NR2C2AP: variants seen among roughly 807,000 people sequenced by gnomAD.
NR2C2AP encodes the protein nuclear receptor 2C2-associated protein.
A neutral mutation model predicts 19.1 loss-of-function variants in NR2C2AP; 13 were observed. That is an observed-to-expected ratio of 0.68 (90% CI 0.44 to 1.08). NR2C2AP has a LOEUF of 1.08. Among genes scored for constraint, NR2C2AP ranks in the 50% least tolerant of loss-of-function variants. The pLI is 0.00. For missense variants in NR2C2AP, 181 were observed against 172.7 expected, an observed-to-expected ratio of 1.05 and a Z score of -0.27; for synonymous variants, 81 against 64.4, an observed-to-expected ratio of 1.26 and a Z score of -1.23.
intron 4 of NR2C2AP, 116 bp from the exon 5 acceptor site, chr19:19,202,157 G>A (rs2060730125): frequency 1.6e-6 from 2 of 1,248,828 alleles, no homozygotes; most frequent in Admixed American, 1.7e-5. Context: ...GAAGCTGCAG[G>A]TCCCTCTAAG....
chr19:19,202,224 A>T, intron 4 of NR2C2AP, 107 bp downstream of exon 4: 1 of 1,246,734 alleles, frequency 8.0e-7, no homozygotes, highest in Non-Finnish European at 1.2e-6. Context: ...GTGGAGTCCT[A>T]GAGGTCACGT....
chr19:19,203,344 C>A lies in NR2C2AP; in HGVS notation c.-284G>T. The A allele has an allele frequency of 1.9e-6, 1 of 536,870 alleles. No individual in the cohort carries two copies. The highest frequency in any genetic ancestry group is 3.4e-6 in the Non-Finnish European group (1 of 296,936). The allele number at this position is 536,870 out of a possible 1,614,324, so 33.3% of individuals were successfully genotyped here. A position where few individuals can be genotyped will look rare whatever the true frequency, so the allele number is the denominator to read the frequency against. ...ACAGATTTCCCGCGGGTTTCGGGGG[C>A]GGTGGCTTTTTGTGCGAGGCTGTTT... On this transcript the variant is annotated 5_prime_UTR_variant, in exon 1 of 5. Coordinates refer to ENST00000331552, the MANE Select transcript of NR2C2AP (RefSeq NM_176880.6).
intron 4 of NR2C2AP, 59 bp downstream of exon 4, chr19:19,202,272 G>A: frequency 6.5e-7 from 1 of 1,540,484 alleles, no homozygotes; most frequent in South Asian, 1.1e-5. Flanking sequence ...TTCGGGTTTG[G>A]GTGAGTCCAA....
rs575643409 is a variant in NR2C2AP, at chr19:19,203,003, C to T, written c.38+20G>A. On this transcript the variant is annotated intron_variant, in intron 1 of 4. Coordinates refer to ENST00000331552, the MANE Select transcript of NR2C2AP (RefSeq NM_176880.6). ...CCCAGGCTTAGGGCCTCGCCACTGCCTGTCCCCACAGACTCTTACCTGCTC... is the reference window on the plus strand; with the variant it reads ...CCCAGGCTTAGGGCCTCGCCACTGCTTGTCCCCACAGACTCTTACCTGCTC... The T allele has an allele frequency of 1.9e-6, 3 of 1,614,174 alleles. No individual in the cohort carries two copies. The highest frequency in any genetic ancestry group is 1.7e-6 in the Non-Finnish European group (2 of 1,179,984).
chr19:19,202,852 C>A lies in NR2C2AP; in HGVS notation c.68G>T (p.Arg23Leu). 6.2e-7 allele frequency: 1 copy of A among 1,613,702 alleles called. No individual in the cohort carries two copies. Among genetic ancestry groups the A allele is most frequent in the Non-Finnish European group, 8.5e-7 (1 of 1,180,004 alleles). ...GAAAAGATGTTTTTTTCCAAACTGCCGAGTGTTGCGATTCAGCACTGAACT... is the reference window on the plus strand; with the variant it reads ...GAAAAGATGTTTTTTTCCAAACTGCAGAGTGTTGCGATTCAGCACTGAACT... ...RVSSVLNRNT[R>L]QFGKKHLFDQ... is the part of the protein sequence containing the mutation. Residue 23 changes from arginine to leucine, a missense_variant, in exon 2 of 5, where the codon CGG (arginine) becomes CTG (leucine). By Grantham distance (102) the Arg-to-Leu change is moderately radical. Coordinates refer to ENST00000331552, the MANE Select transcript of NR2C2AP (RefSeq NM_176880.6).
In NR2C2AP at chr19:19,202,521, G is replaced by C; in HGVS notation, c.184C>G (p.Leu62Val). 2 of 1,613,896 alleles carry C rather than the reference G, an allele frequency of 1.2e-6. No individual in the cohort carries two copies. The highest frequency in any genetic ancestry group is 1.7e-6 in the Non-Finnish European group (2 of 1,180,008). Residue 62 changes from leucine (L) to valine (V), a missense_variant, in exon 3 of 5, where the codon CTG becomes GTG. Physicochemically the swap from Leu to Val is conservative, Grantham distance 32. Transcript: ENST00000331552. ...EFPQLIRVSQLQIQFQGGFSS... is the reference protein window; with the variant it reads ...EFPQLIRVSQVQIQFQGGFSS... The stretch of plus-strand genomic sequence containing the variant: ...AAGCCACCCTGAAACTGGATCTGCA[G>C]CTGGGAGACACGGATGAGCTGGGGA...
rs2060743960 is a variant in NR2C2AP at position 19,203,243 on chromosome 19, CA to C, written c.-184del. The C allele has an allele frequency of 3.1e-6, 2 of 646,220 alleles. No homozygotes were observed. The highest frequency in any genetic ancestry group is 4.9e-5 in the Admixed American group (2 of 41,162). The allele number at this position is 646,220 out of a possible 1,614,324, so 40.0% of individuals were successfully genotyped here. A position where few individuals can be genotyped will look rare whatever the true frequency, so the allele number is the denominator to read the frequency against. On this transcript the variant is annotated 5_prime_UTR_variant, in exon 1 of 5. The change creates a new upstream start codon in the 5' untranslated region. Transcript: ENST00000331552. ...CCCCAGTCCTAAATGTCGCCTCGATCAATCCCCTGCCGGAAAATTTGGGAGA... is the reference window on the plus strand; with the variant it reads ...CCCCAGTCCTAAATGTCGCCTCGATCATCCCCTGCCGGAAAATTTGGGAGA...
In NR2C2AP at chr19:19,202,890, A is replaced by G. The variant is rs2060740494; in HGVS notation, c.39-9T>C. 6.2e-7 allele frequency: 1 copy of G among 1,612,736 alleles called. No homozygotes were observed. The highest frequency in any genetic ancestry group is 8.5e-7 in the Non-Finnish European group (1 of 1,178,986). On this transcript the variant is annotated splice_polypyrimidine_tract_variant and intron_variant, in intron 1 of 4. Coordinates refer to ENST00000331552, the MANE Select transcript of NR2C2AP (RefSeq NM_176880.6). The stretch of plus-strand genomic sequence containing the variant: ...TCAGCACTGAACTCACCCTGGAGGC[A>G]CCAGGATCAAGGCGAAGAGAGGGGC...
Position 19,202,516 on chromosome 19 carries a change from C to G in NR2C2AP, c.189G>C (p.Gln63His). Residue 63 changes from glutamine to histidine, a missense_variant, in exon 3 of 5, where the codon CAG (glutamine) becomes CAC (histidine). Coordinates refer to ENST00000331552, the MANE Select transcript of NR2C2AP (RefSeq NM_176880.6). Reference sequence around the variant, plus strand: ...TGGAGAAGCCACCCTGAAACTGGATCTGCAGCTGGGAGACACGGATGAGCT... The same window carrying G: ...TGGAGAAGCCACCCTGAAACTGGATGTGCAGCTGGGAGACACGGATGAGCT... ...FPQLIRVSQL[Q>H]IQFQGGFSSR... is the part of the protein sequence containing the mutation. The G allele has an allele frequency of 6.2e-7, 1 of 1,613,994 alleles. No individual in the cohort carries two copies. Among genetic ancestry groups the G allele is most frequent in the Non-Finnish European group, 8.5e-7 (1 of 1,180,024 alleles).
In NR2C2AP at chr19:19,201,889, C is replaced by T. The variant is rs764009534; in HGVS notation, c.*36G>A. 246 of 1,613,638 alleles carry T rather than the reference C, an allele frequency of 1.5e-4. 2 individuals carry two copies. Among genetic ancestry groups the T allele is most frequent in the South Asian group, 1.2e-3 (108 of 91,004 alleles). On this transcript the variant is annotated 3_prime_UTR_variant, in exon 5 of 5. Coordinates refer to ENST00000331552, the MANE Select transcript of NR2C2AP (RefSeq NM_176880.6). ...GAATGAGGGACTTTGCTGTGCTTCC[C>T]GGAGGGCTTCCTGGAGGAGACAGCC...
rs779898358 is a variant in NR2C2AP at position 19,202,932 on chromosome 19, C to G, written c.39-51G>C. The G allele has an allele frequency of 5.6e-6, 9 of 1,609,424 alleles. No individual in the cohort carries two copies. The East Asian group carries it at 1.8e-4, about 32-fold the overall frequency. On this transcript the variant is annotated intron_variant, in intron 1 of 4. Transcript: ENST00000331552. ...GAGAGGGGCTGAGACCAGCTCTCAG[C>G]TCCGCGGAGGGCCTGACCCCCAGAT...
Position 19,201,684 on chromosome 19 carries a change from T to C in NR2C2AP, c.*241A>G. The C allele has an allele frequency of 6.2e-7, 1 of 1,614,128 alleles. No homozygotes were observed. Among genetic ancestry groups the C allele is most frequent in the Non-Finnish European group, 8.5e-7 (1 of 1,180,012 alleles). On this transcript the variant is annotated 3_prime_UTR_variant, in exon 5 of 5. Coordinates refer to ENST00000331552, the MANE Select transcript of NR2C2AP (RefSeq NM_176880.6). ...GATCGAGAACCACATCCTCAAGCTC[T>C]TCCAGAGCAACCTGGTGCCCGCTGA...
Position 19,203,355 on chromosome 19 carries a change from T to C in NR2C2AP, c.-295A>G, listed in dbSNP as rs2060744997. Reference sequence around the variant, plus strand: ...GCGGGTTTCGGGGGCGGTGGCTTTTTGTGCGAGGCTGTTTCTCTGCGAATA... The same window carrying C: ...GCGGGTTTCGGGGGCGGTGGCTTTTCGTGCGAGGCTGTTTCTCTGCGAATA... On this transcript the variant is annotated 5_prime_UTR_variant, in exon 1 of 5. Coordinates refer to ENST00000331552, the MANE Select transcript of NR2C2AP (RefSeq NM_176880.6). The C allele has an allele frequency of 3.9e-6, 2 of 515,112 alleles. No homozygotes were observed. Among genetic ancestry groups the C allele is most frequent in the Admixed American group, 6.4e-5 (2 of 31,278 alleles). The allele number at this position is 515,112 out of a possible 1,614,324, so 31.9% of individuals were successfully genotyped here.
intron 1 of NR2C2AP, 67 bp from the exon 2 acceptor site, chr19:19,202,948 A>T (rs2146525910): frequency 1.2e-6 from 2 of 1,606,504 alleles, no homozygotes; most frequent in Non-Finnish European, 1.7e-6. Flanking sequence ...GGAGGGCCTG[A>T]CCCCCAGATC....
In NR2C2AP at chr19:19,203,192, G is replaced by A. The variant is rs768504611; in HGVS notation, c.-132C>T. 538 of 863,444 alleles carry A rather than the reference G, an allele frequency of 6.2e-4. No homozygotes were observed. Among genetic ancestry groups the A allele is most frequent in the Non-Finnish European group, 9.4e-4 (497 of 530,210 alleles). 53.5% of individuals were successfully genotyped at this position (863,444 alleles called of 1,614,324 possible). Reference sequence around the variant, plus strand: ...CTGAACGTCCTCACCTGTAACTTGGGACGAGAACCGCCACTCCCTCGCCCA... The same window carrying A: ...CTGAACGTCCTCACCTGTAACTTGGAACGAGAACCGCCACTCCCTCGCCCA... On this transcript the variant is annotated 5_prime_UTR_variant, in exon 1 of 5. Transcript: ENST00000331552.
Position 19,201,575 on chromosome 19 carries a change from G to C in NR2C2AP, c.*350C>G, listed in dbSNP as rs769460102. On this transcript the variant is annotated 3_prime_UTR_variant, in exon 5 of 5. Coordinates refer to ENST00000331552, the MANE Select transcript of NR2C2AP (RefSeq NM_176880.6). ...TCCCTGTTTGTCCCCTAAGGGGAGAGCGCAGGTTGGCCTGTGCCTCCACCC... is the reference window on the plus strand; with the variant it reads ...TCCCTGTTTGTCCCCTAAGGGGAGACCGCAGGTTGGCCTGTGCCTCCACCC... 22 of 1,610,796 alleles carry C rather than the reference G, an allele frequency of 1.4e-5. No homozygotes were observed. Among genetic ancestry groups the C allele is most frequent in the Middle Eastern group, 3.3e-4 (2 of 6,062 alleles).
chr19:19,203,176 C>G lies in NR2C2AP; in HGVS notation c.-116G>C. 1 of 1,033,818 alleles carries G rather than the reference C, an allele frequency of 9.7e-7. No homozygotes were observed. Among genetic ancestry groups the G allele is most frequent in the Non-Finnish European group, 1.5e-6 (1 of 676,764 alleles). 64.0% of individuals were successfully genotyped at this position (1,033,818 alleles called of 1,614,324 possible). Reference sequence around the variant, plus strand: ...TTGGCTACGCCTTGGCCTGAACGTCCTCACCTGTAACTTGGGACGAGAACC... The same window carrying G: ...TTGGCTACGCCTTGGCCTGAACGTCGTCACCTGTAACTTGGGACGAGAACC... On this transcript the variant is annotated 5_prime_UTR_variant, in exon 1 of 5. Coordinates refer to ENST00000331552, the MANE Select transcript of NR2C2AP (RefSeq NM_176880.6).
chr19:19,203,306 C>G lies in NR2C2AP; in HGVS notation c.-246G>C, dbSNP rs1472943367. 8 of 580,148 alleles carry G rather than the reference C, an allele frequency of 1.4e-5. No individual in the cohort carries two copies. The highest frequency in any genetic ancestry group is 2.5e-5 in the Non-Finnish European group (8 of 324,192). 35.9% of individuals were successfully genotyped at this position (580,148 alleles called of 1,614,324 possible). ...AAACCGCCAATGCCCGGAGGCCAGG[C>G]CTTTCACAGGAAACAGATTTCCCGC... On this transcript the variant is annotated 5_prime_UTR_variant, in exon 1 of 5. Transcript: ENST00000331552.
chr19:19,202,077 T>C, intron 4 of NR2C2AP, 36 bp from the exon 5 acceptor site: 2 of 1,606,732 alleles, frequency 1.2e-6, no homozygotes, highest in Non-Finnish European at 1.7e-6. Flanking sequence ...TGGTGATTTC[T>C]GGTTTCCCAC....
Sources: gnomAD v4.1 joint callset for allele counts on GRCh38, gnomAD v4.1.1 for gene constraint, MANE v1.5 for transcripts, NCBI Gene and HGNC (gene_info 2026-07-23, HGNC 2026-07-21) for gene names.